The following CTBP2 variants were observed in gnomAD, a reference collection of about 807,000 sequenced individuals.
CTBP2 encodes C-terminal binding protein 2, also known as C-terminal-binding protein 2.
In CTBP2, 30 loss-of-function variants were observed where a neutral mutation model predicts 80.3. That is an observed-to-expected ratio of 0.37 (90% CI 0.28 to 0.51). CTBP2 has a LOEUF of 0.51. Ranked by LOEUF, CTBP2 falls within the 20% of genes least tolerant of loss-of-function variation. The pLI, the probability that CTBP2 is intolerant of heterozygous loss-of-function variation, is 0.93. For missense variants in CTBP2, 1,212 were observed against 1,375.3 expected, an observed-to-expected ratio of 0.88 and a Z score of 1.88; for synonymous variants, 594 against 587.4, an observed-to-expected ratio of 1.01 and a Z score of -0.16.
intron 2 of CTBP2, among the ~76,000 whole-genome samples, chr10:125,063,101 C>T (rs1271445133): frequency 2.0e-5 from 3 of 152,224 alleles, no homozygotes; most frequent in Non-Finnish European, 4.4e-5. Context: ...CTCGGCCAGC[C>T]TCGAGCTGGA....
intron 1 of CTBP2, among the ~76,000 whole-genome samples, chr10:125,112,310 A>G (rs1852423426): frequency 2.6e-5 from 4 of 151,772 alleles, no homozygotes; most frequent in Admixed American, 2.6e-4. Context: ...ATGGGGTTTC[A>G]CCACGTTGGT....
intron 8 of CTBP2, among the ~76,000 whole-genome samples, chr10:124,991,442 G>T (rs529793884): frequency 6.6e-6 from 1 of 152,346 alleles, no homozygotes; most frequent in Non-Finnish European, 1.5e-5. Context: ...GGAATCTGGT[G>T]CTGTGATAGG....
chr10:125,089,712 C>T (rs1328614725), intron 2 of CTBP2, among the ~76,000 whole-genome samples: 2 of 152,210 alleles, frequency 1.3e-5, no homozygotes, highest in African/African-American at 2.4e-5. Flanking sequence ...CTGAACTACA[C>T]ATGCATTTCC....
chr10:125,124,111 A>G (rs978657059), intron 1 of CTBP2, among the ~76,000 whole-genome samples: 4 of 152,200 alleles, frequency 2.6e-5, no homozygotes, highest in African/African-American at 9.6e-5. Context: ...TTGCTCAAAG[A>G]AAGTTCTAGA....
intron 3 of CTBP2, 109 bp downstream of exon 3, chr10:125,038,888 G>A: frequency 1.8e-6 from 2 of 1,083,860 alleles, no homozygotes. Flanking sequence ...TGGAATCGGA[G>A]GAGGGACTCT....
At chr10:125,063,472 T>A (rs1346007107) in intron 2 of CTBP2, among the ~76,000 whole-genome samples, 1 of 152,158 alleles carries the variant, frequency 6.6e-6, no homozygotes, top group Non-Finnish European at 1.5e-5. Context: ...ACACGTCGAC[T>A]CGTGCGAAAG....
chr10:125,066,432 G>C lies in CTBP2; in HGVS notation c.-101-27277C>G, dbSNP rs4489694. Among the ~76,000 whole-genome samples the C allele has an allele frequency of 0.018, 2,700 of 152,236 alleles. 75 individuals carry two copies. Among genetic ancestry groups the C allele is most frequent in the African/African-American group, 0.061 (2,530 of 41,510 alleles). Reference sequence around the variant, plus strand: ...TGCTAGGTGAGTGCAGGGCAGGAACGGAAGGCAAGCAGGGTGCGCAGATGT... The same window carrying C: ...TGCTAGGTGAGTGCAGGGCAGGAACCGAAGGCAAGCAGGGTGCGCAGATGT... On this transcript the variant is annotated intron_variant, in intron 2 of 10. Coordinates refer to the CTBP2 transcript ENST00000337195. This position sits in a 1 kb window ranked among gnomAD's most constrained non-coding sequence, Gnocchi z 4.1.
chr10:125,064,979 G>A (rs926073085), intron 2 of CTBP2, among the ~76,000 whole-genome samples: 1 of 152,204 alleles, frequency 6.6e-6, no homozygotes, highest in African/African-American at 2.4e-5. Flanking sequence ...CAGAGAATAT[G>A]CTCTAATGAT....
intron 1 of CTBP2, among the ~76,000 whole-genome samples, chr10:125,018,222 C>T (rs555897166): frequency 2.6e-5 from 4 of 152,306 alleles, no homozygotes. Context: ...GGGGATCATC[C>T]TTGTCAAATG....
intron 3 of CTBP2, chr10:125,001,139 C>G (rs190168608): frequency 1.4e-4 from 22 of 152,400 alleles, no homozygotes; most frequent in African/African-American, 5.3e-4. Context: ...TCTGGCCCCA[C>G]TGCCTGTGCG....
intron 1 of CTBP2, among the ~76,000 whole-genome samples, chr10:125,115,620 G>T (rs973622329): frequency 6.6e-6 from 1 of 152,128 alleles, no homozygotes; most frequent in Non-Finnish European, 1.5e-5. Context: ...GTCATCATCA[G>T]ACTCCAGACA....
Position 124,986,531 on chromosome 10 carries a change from A to AT in CTBP2, c.*2986dup, listed in dbSNP as rs763416409. On this transcript the variant is annotated 3_prime_UTR_variant, in exon 9 of 9. Coordinates refer to ENST00000309035, the MANE Select transcript of CTBP2 (RefSeq NM_022802.3). ...AAGGTGTTCCCAGGATGAAAAGATC[A>AT]TTTTTTGCTGCATGCTAAATCTTGC... 2.0e-5 allele frequency: 3 copies of AT among 152,180 alleles called. No homozygotes were observed. The highest frequency in any genetic ancestry group is 2.1e-4 in the South Asian group (1 of 4,830). 9.4% of individuals were successfully genotyped at this position (152,180 alleles called of 1,614,324 possible).
intron 1 of CTBP2, among the ~76,000 whole-genome samples, chr10:125,126,327 T>TTA (rs1018381409): frequency 5.3e-5 from 8 of 152,222 alleles, no homozygotes; most frequent in African/African-American, 1.9e-4. Flanking sequence ...GTCATGAAAC[T>TTA]TAACGACCAA....
intron 4 of CTBP2, chr10:124,997,069 C>G (rs751590587): frequency 6.6e-6 from 1 of 152,392 alleles, no homozygotes; most frequent in African/African-American, 2.4e-5. Context: ...GGGCTTCGTC[C>G]TCGGAGGCGC....
chr10:125,141,079 G>A (rs1469685564), intron 1 of CTBP2, among the ~76,000 whole-genome samples: 1 of 151,722 alleles, frequency 6.6e-6, no homozygotes, highest in Non-Finnish European at 1.5e-5. Flanking sequence ...CAGAGGAGAG[G>A]CTGCAGTGAG....
At chr10:125,152,010 G>A (rs1860021908) in intron 1 of CTBP2, among the ~76,000 whole-genome samples, 1 of 152,148 alleles carries the variant, frequency 6.6e-6, no homozygotes, top group African/African-American at 2.4e-5. Flanking sequence ...CGAGGCGCGA[G>A]GTGGGGGGGC....
chr10:125,117,975 G>A (rs920737739), intron 1 of CTBP2, among the ~76,000 whole-genome samples: 1 of 152,176 alleles, frequency 6.6e-6, no homozygotes, highest in Non-Finnish European at 1.5e-5. Flanking sequence ...TTGTCAGAGA[G>A]TGTTTATGGA....
rs533968851 is a variant in CTBP2 at position 125,015,952 on chromosome 10, G to A, written c.1678+10130C>T. 5.3e-5 allele frequency among the ~76,000 whole-genome samples: 8 copies of A among 152,356 alleles called. No homozygotes were observed. In the South Asian group the frequency reaches 1.7e-3, roughly 32 times the overall value. Reference sequence around the variant, plus strand: ...CTGCAGGAATCTAAAAAGGCCACAGGCAACCCAGAGATGGATGGCTCAGTC... The same window carrying A: ...CTGCAGGAATCTAAAAAGGCCACAGACAACCCAGAGATGGATGGCTCAGTC... On this transcript the variant is annotated intron_variant, in intron 1 of 8. Coordinates refer to ENST00000309035, the MANE Select transcript of CTBP2 (RefSeq NM_022802.3).
intron 1 of CTBP2, among the ~76,000 whole-genome samples, chr10:125,128,133 G>T (rs745354976): frequency 8.5e-5 from 13 of 152,182 alleles, no homozygotes; most frequent in Admixed American, 3.9e-4. Flanking sequence ...TGGTGAGGCT[G>T]CTCTGGGAGC....
Sources: allele counts gnomAD v4.1 joint callset (sites outside exome capture counted in the v4.1 genomes callset), GRCh38; gene constraint gnomAD v4.1.1; non-coding constraint Gnocchi (gnomAD v3.1); transcripts MANE v1.5; gene names NCBI Gene and HGNC (gene_info 2026-07-23, HGNC 2026-07-21).